CDKAL1: variants seen among roughly 807,000 people sequenced by gnomAD.
CDKAL1 encodes threonylcarbamoyladenosine tRNA methylthiotransferase.
In CDKAL1, 32 loss-of-function variants were observed where a neutral mutation model predicts 68.2. The ratio of observed to expected loss-of-function variants is 0.47; its 90% CI spans 0.35 to 0.63. The LOEUF (loss-of-function observed/expected upper bound fraction) is 0.63. CDKAL1 is among the 30% of genes least tolerant of loss of function. The pLI, the probability that CDKAL1 is intolerant of heterozygous loss-of-function variation, is 0.00. For synonymous variants in CDKAL1, 234 were observed against 244.3 expected, an observed-to-expected ratio of 0.96 and a Z score of 0.39; for missense variants, 606 against 696.7, an observed-to-expected ratio of 0.87 and a Z score of 1.47.
intron 15 of CDKAL1, among the ~76,000 whole-genome samples, chr6:21,223,639 T>C (rs1450295096): frequency 6.6e-6 from 1 of 152,158 alleles, no homozygotes; most frequent in Non-Finnish European, 1.5e-5. Flanking sequence ...AAGAAGAGAA[T>C]ACTTGTAACT....
chr6:20,669,646 C>T (rs1769718009), intron 5 of CDKAL1, among the ~76,000 whole-genome samples: 1 of 152,180 alleles, frequency 6.6e-6, no homozygotes, highest in African/African-American at 2.4e-5. Context: ...GTATTAACTC[C>T]ATTCACACTG....
intron 13 of CDKAL1, among the ~76,000 whole-genome samples, chr6:21,111,388 C>T (rs1445320566): frequency 6.6e-6 from 1 of 152,148 alleles, no homozygotes; most frequent in East Asian, 1.9e-4. Flanking sequence ...ACAGCTTTGC[C>T]TACTAGAAAC....
intron 9 of CDKAL1, among the ~76,000 whole-genome samples, chr6:20,944,755 G>C (rs975824534): frequency 2.0e-5 from 3 of 152,098 alleles, no homozygotes; most frequent in Non-Finnish European, 4.4e-5. Context: ...ATTTTGATTG[G>C]CATAATTTTG....
At chr6:20,931,842 G>T (rs151019684) in intron 9 of CDKAL1, among the ~76,000 whole-genome samples, 66 of 152,216 alleles carry the variant, frequency 4.3e-4, no homozygotes, top group African/African-American at 1.5e-3. Flanking sequence ...CTGTCATTTC[G>T]TGCTTGCTTT....
intron 8 of CDKAL1, among the ~76,000 whole-genome samples, chr6:20,796,302 A>G (rs1354990124): frequency 6.6e-6 from 1 of 152,244 alleles, no homozygotes; most frequent in Non-Finnish European, 1.5e-5. Flanking sequence ...CAAATTATGT[A>G]TAGGATATGT....
chr6:20,566,628 A>AT (rs1026983512), intron 4 of CDKAL1, among the ~76,000 whole-genome samples: 3 of 151,936 alleles, frequency 2.0e-5, no homozygotes, highest in Non-Finnish European at 4.4e-5. Context: ...ACATCTTTTG[A>AT]TTTTTTTTCT....
intron 13 of CDKAL1, among the ~76,000 whole-genome samples, chr6:21,146,293 C>T (rs751130367): frequency 2.6e-5 from 4 of 152,052 alleles, no homozygotes; most frequent in African/African-American, 4.8e-5. Flanking sequence ...CTGACATGAA[C>T]GACTAATGTC....
chr6:20,535,739 C>T (rs6904566), intron 2 of CDKAL1, among the ~76,000 whole-genome samples: 25,399 of 152,010 alleles, frequency 0.17, 2,549 homozygotes, highest in African/African-American at 0.28. Context: ...AAGTCGTGGT[C>T]TTGTACCTTC....
At chr6:20,828,786 C>A (rs1292819060) in intron 8 of CDKAL1, among the ~76,000 whole-genome samples, 1 of 152,130 alleles carries the variant, frequency 6.6e-6, no homozygotes, top group Admixed American at 6.6e-5. Context: ...ACAAACATCA[C>A]CACTATCCAC....
At chr6:20,838,240 C>T (rs1778037166) in intron 8 of CDKAL1, among the ~76,000 whole-genome samples, 1 of 151,822 alleles carries the variant, frequency 6.6e-6, no homozygotes, top group Non-Finnish European at 1.5e-5. Flanking sequence ...TAAATAAAAT[C>T]TCCTACTATG....
intron 13 of CDKAL1, among the ~76,000 whole-genome samples, chr6:21,162,961 A>G (rs1426387597): frequency 1.3e-5 from 2 of 152,078 alleles, no homozygotes; most frequent in Non-Finnish European, 2.9e-5. Context: ...AAAGGAAGGA[A>G]AGGACAAGAG....
intron 13 of CDKAL1, among the ~76,000 whole-genome samples, chr6:21,156,497 G>A (rs1776652162): frequency 6.6e-6 from 1 of 150,620 alleles, no homozygotes; most frequent in South Asian, 2.1e-4. Flanking sequence ...GTTATCTTTA[G>A]CAGAATCCCT....
Position 20,799,330 on chromosome 6 carries a change from G to A in CDKAL1, c.638+18065G>A, listed in dbSNP as rs184008066. Among the ~76,000 whole-genome samples the A allele has an allele frequency of 1.9e-3, 286 of 152,150 alleles. 1 individual carries two copies. Among genetic ancestry groups the A allele is most frequent in the African/African-American group, 6.4e-3 (264 of 41,514 alleles). Reference sequence around the variant, plus strand: ...GCCTCCCAAAGTGTTGGGATTACAGGCGTGAGCCACCGTGCCCGGCCTAGA... The same window carrying A: ...GCCTCCCAAAGTGTTGGGATTACAGACGTGAGCCACCGTGCCCGGCCTAGA... On this transcript the variant is annotated intron_variant, in intron 8 of 15. Transcript: ENST00000274695.
intron 12 of CDKAL1, 64 bp downstream of exon 12, chr6:21,065,292 C>G: frequency 8.2e-7 from 1 of 1,212,520 alleles, no homozygotes; most frequent in Non-Finnish European, 1.2e-6. Context: ...AGCTGTGTTG[C>G]CTACCTTCAC....
At position 20,768,233 on chromosome 6, in the gene CDKAL1, A is replaced by G. The variant is rs773099463; in HGVS notation, c.517+9590A>G. On this transcript the variant is annotated intron_variant, in intron 7 of 15. Coordinates refer to ENST00000274695, the MANE Select transcript of CDKAL1 (RefSeq NM_017774.3). ...GCTTGTTTGTACTACTAACAATGCTATCTTTAACAGCCCATACAACCTCAC... is the reference window on the plus strand; with the variant it reads ...GCTTGTTTGTACTACTAACAATGCTGTCTTTAACAGCCCATACAACCTCAC... Among the ~76,000 whole-genome samples, 3 of 152,174 alleles carry G rather than the reference A, an allele frequency of 2.0e-5. 1 individual carries two copies. In the South Asian group the frequency reaches 6.2e-4, roughly 31 times the overall value.
intron 4 of CDKAL1, among the ~76,000 whole-genome samples, chr6:20,575,539 T>C (rs1764876176): frequency 6.6e-6 from 1 of 152,062 alleles, no homozygotes; most frequent in South Asian, 2.1e-4. Flanking sequence ...ATATGATTTT[T>C]CTCATAATCT....
Position 20,988,182 on chromosome 6 carries a change from ATGTGTGTG to A in CDKAL1, c.910-12015_910-12008del, listed in dbSNP as rs58720900. Among the ~76,000 whole-genome samples the A allele has an allele frequency of 8.4e-3, 1,160 of 137,490 alleles. 18 individuals carry two copies. The highest frequency in any genetic ancestry group is 0.024 in the African/African-American group (910 of 37,422). The allele number at this position is 137,490 out of a possible 152,430, so 90.2% of individuals were successfully genotyped here. On this transcript the variant is annotated intron_variant, in intron 10 of 15. Coordinates refer to ENST00000274695, the MANE Select transcript of CDKAL1 (RefSeq NM_017774.3). ...TCAAAGTCCTTCAAAGAAACATAAT[ATGTGTGTG>A]TGTGTGTGTGTGTGTGTGTGTGTGT...
intron 10 of CDKAL1, among the ~76,000 whole-genome samples, chr6:20,998,200 A>G (rs985803885): frequency 6.6e-6 from 1 of 152,184 alleles, no homozygotes; most frequent in Non-Finnish European, 1.5e-5. Flanking sequence ...TTGATGTTCA[A>G]GTGTGAAGAA....
chr6:20,937,845 CT>C, intron 9 of CDKAL1, among the ~76,000 whole-genome samples: 1 of 141,002 alleles, frequency 7.1e-6, no homozygotes, highest in East Asian at 2.1e-4. Flanking sequence ...TGCAAAATTT[CT>C]CCACTGTGAG....
Sources: allele counts gnomAD v4.1 joint callset (sites outside exome capture counted in the v4.1 genomes callset), GRCh38; gene constraint gnomAD v4.1.1; transcripts MANE v1.5; gene names NCBI Gene and HGNC (gene_info 2026-07-23, HGNC 2026-07-21).